FAS: variants seen among roughly 807,000 people sequenced by gnomAD.
The protein encoded by FAS is tumor necrosis factor receptor superfamily member 6.
A neutral mutation model predicts 33.2 loss-of-function variants in FAS; 5 were observed. The ratio of observed to expected loss-of-function variants is 0.15; its 90% CI spans 0.08 to 0.32. The LOEUF (loss-of-function observed/expected upper bound fraction) is 0.32, where lower values mean the gene tolerates loss of function less well. FAS is among the 10% of genes least tolerant of loss of function. FAS has a pLI of 1.00. For synonymous variants in FAS, 131 were observed against 130.7 expected (o/e 1.00, Z -0.01); for missense variants, 339 against 386.0 (o/e 0.88, Z 1.02).
intron 1 of FAS, among the ~76,000 whole-genome samples, chr10:88,996,375 G>A (rs1847593678): frequency 6.6e-6 from 1 of 151,810 alleles, no homozygotes; most frequent in African/African-American, 2.4e-5. Context: ...TCGTTTATAT[G>A]TGGAATCTAA....
At chr10:89,003,244 G>A (rs773303850) in intron 2 of FAS, 50 bp downstream of exon 2, 1 of 1,595,560 alleles carries the variant, frequency 6.3e-7, no homozygotes, top group Non-Finnish European at 8.6e-7. Flanking sequence ...ACAGTTAGGA[G>A]TAGCACATAG....
At chr10:89,005,685 T>G (rs1393262976) in intron 2 of FAS, among the ~76,000 whole-genome samples, 2 of 152,230 alleles carry the variant, frequency 1.3e-5, no homozygotes, top group Non-Finnish European at 2.9e-5. Context: ...TAGTCCAGGC[T>G]GAAGTGCAGT....
intron 2 of FAS, among the ~76,000 whole-genome samples, chr10:88,975,953 AAATT>A (rs1179244549): frequency 1.3e-5 from 2 of 152,208 alleles, no homozygotes; most frequent in African/African-American, 2.4e-5. Context: ...TTTGGCTGAC[AAATT>A]AATTGTCACC....
rs943784011 is a variant in FAS at position 89,015,422 on chromosome 10, C to T, written c.*972C>T. ...ATAAAATAGATTCTTATTTTTCCCC[C>T]ACCCCCGAAAATGTTCAATAATGTC... On this transcript the variant is annotated 3_prime_UTR_variant, in exon 9 of 9. Coordinates refer to ENST00000652046, the MANE Select transcript of FAS (RefSeq NM_000043.6). 1 of 530,442 alleles carries T rather than the reference C, an allele frequency of 1.9e-6. No individual in the cohort carries two copies. Among genetic ancestry groups the T allele is most frequent in the African/African-American group, 1.9e-5 (1 of 53,628 alleles). The allele number at this position is 530,442 out of a possible 1,614,324, so 32.9% of individuals were successfully genotyped here.
chr10:89,006,812 T>G (rs971293474), intron 2 of FAS, among the ~76,000 whole-genome samples: 1 of 152,212 alleles, frequency 6.6e-6, no homozygotes, highest in African/African-American at 2.4e-5. Flanking sequence ...AATAAACACC[T>G]ATCAGATAAA....
In FAS at chr10:88,965,807, T is replaced by C. The variant is rs11202913; in HGVS notation, n.95-7375T>C. ...GAGTGTCAATTTTATGATCCACTGC[T>C]GGTTTGGGCTGATTTGCTTTTAACT... On this transcript the variant is annotated intron_variant and non_coding_transcript_variant, in intron 1 of 3. Coordinates refer to the FAS transcript ENST00000688239. Among the ~76,000 whole-genome samples the C allele has an allele frequency of 8.1e-3, 1,227 of 152,300 alleles. 26 individuals carry two copies. The highest frequency in any genetic ancestry group is 0.028 in the African/African-American group (1,153 of 41,560).
chr10:89,009,089 T>G, intron 4 of FAS, 92 bp downstream of exon 4: 1 of 1,218,770 alleles, frequency 8.2e-7, no homozygotes, highest in African/African-American at 1.5e-5. Flanking sequence ...GAGTTAAGAA[T>G]TAGGGTTCTA....
At chr10:88,998,849 C>G (rs1468040623) in intron 1 of FAS, among the ~76,000 whole-genome samples, 7 of 152,078 alleles carry the variant, frequency 4.6e-5, no homozygotes, top group African/African-American at 1.4e-4. Context: ...CTGGTGTCAA[C>G]ACTCCCCTTT....
intron 2 of FAS, among the ~76,000 whole-genome samples, chr10:88,978,143 G>C (rs1206396981): frequency 2.1e-5 from 2 of 96,798 alleles, no homozygotes; most frequent in African/African-American, 7.8e-5. Context: ...GTAAACTATC[G>C]CAAGAACAAA....
chr10:88,988,434 TTTG>T (rs1564666910), upstream of FAS, among the ~76,000 whole-genome samples: 334 of 34,390 alleles, frequency 9.7e-3, 15 homozygotes, highest in East Asian at 0.029. Context: ...TTTTTTTTGT[TTTG>T]TTTTTTATCT....
At position 88,981,360 on chromosome 10, in the gene FAS, C is replaced by T. The variant is rs1173140668; in HGVS notation, n.260+8013C>T. 4.7e-5 allele frequency among the ~76,000 whole-genome samples: 7 copies of T among 149,274 alleles called. No individual in the cohort carries two copies. In the Admixed American group the frequency reaches 4.7e-4, roughly 10 times the overall value. On this transcript the variant is annotated intron_variant and non_coding_transcript_variant, in intron 2 of 3. Coordinates refer to the FAS transcript ENST00000688239. Reference sequence around the variant, plus strand: ...TTGATAAATATTAGCCACTTATTAACCATCGGGTTAAGAGAGAAATGACTT... The same window carrying T: ...TTGATAAATATTAGCCACTTATTAATCATCGGGTTAAGAGAGAAATGACTT...
Position 89,015,491 on chromosome 10 carries a change from G to C in FAS, c.*1041G>C. On this transcript the variant is annotated 3_prime_UTR_variant, in exon 9 of 9. Transcript: ENST00000652046. ...AAATGGCAGCTTATACATAGCAATG[G>C]TAAAATCATCATCTGGATTTAGGAA... The C allele has an allele frequency of 3.7e-6, 2 of 534,408 alleles. No individual in the cohort carries two copies. The highest frequency in any genetic ancestry group is 7.2e-6 in the Non-Finnish European group (2 of 276,656). 33.1% of individuals were successfully genotyped at this position (534,408 alleles called of 1,614,324 possible). A position where few individuals can be genotyped will look rare whatever the true frequency, so the allele number is the denominator to read the frequency against.
At chr10:88,998,824 T>G (rs1226858437) in intron 1 of FAS, among the ~76,000 whole-genome samples, 1 of 152,132 alleles carries the variant, frequency 6.6e-6, no homozygotes, top group Non-Finnish European at 1.5e-5. Context: ...TTTTAGAAGC[T>G]AACTGGATGC....
intron 1 of FAS, among the ~76,000 whole-genome samples, chr10:88,998,408 C>T (rs1211059958): frequency 2.0e-5 from 3 of 151,466 alleles, no homozygotes; most frequent in Admixed American, 2.0e-4. Context: ...AAAGTCTGGA[C>T]CCTTCCGGCC....
upstream of FAS, among the ~76,000 whole-genome samples, chr10:88,987,635 T>C (rs891801084): frequency 6.6e-6 from 1 of 152,212 alleles, no homozygotes; most frequent in Non-Finnish European, 1.5e-5. Flanking sequence ...CCAGTAAAGA[T>C]CCCAAAATCT....
At chr10:89,010,838 C>T (rs1454059755) in intron 6 of FAS, 23 bp downstream of exon 6, 2 of 1,613,522 alleles carry the variant, frequency 1.2e-6, no homozygotes, top group Non-Finnish European at 1.7e-6. Flanking sequence ...TTTGTTCAAA[C>T]TGCAGATTGA....
At chr10:89,010,467 A>G (rs1007723923) in intron 4 of FAS, 72 bp from the exon 5 acceptor site, 2 of 1,292,808 alleles carry the variant, frequency 1.5e-6, no homozygotes, top group African/African-American at 3.0e-5. Context: ...CCTAATTTAC[A>G]AAGTGCCATT....
intron 1 of FAS, among the ~76,000 whole-genome samples, chr10:88,999,139 C>A (rs1403133717): frequency 8.8e-5 from 13 of 146,970 alleles, no homozygotes; most frequent in Non-Finnish European, 1.9e-4. Flanking sequence ...GGCAACAGAG[C>A]GAGACTCCGT....
rs909818268 is a variant in FAS at position 89,016,927 on chromosome 10, A to G, written c.*2477A>G. On this transcript the variant is annotated 3_prime_UTR_variant, in exon 9 of 9. Coordinates refer to ENST00000652046, the MANE Select transcript of FAS (RefSeq NM_000043.6). Reference sequence around the variant, plus strand: ...TTCTGTACAACTATCTGAATAAGGTATATAATCAATGAAATTTAGAATTTT... The same window carrying G: ...TTCTGTACAACTATCTGAATAAGGTGTATAATCAATGAAATTTAGAATTTT... 5.3e-6 allele frequency: 1 copy of G among 189,704 alleles called. No individual in the cohort carries two copies. Among genetic ancestry groups the G allele is most frequent in the Non-Finnish European group, 1.1e-5 (1 of 90,258 alleles). The allele number at this position is 189,704 out of a possible 1,614,324, so 11.8% of individuals were successfully genotyped here.
Sources: allele counts gnomAD v4.1 joint callset (sites outside exome capture counted in the v4.1 genomes callset), GRCh38; gene constraint gnomAD v4.1.1; transcripts MANE v1.5; gene names NCBI Gene and HGNC (gene_info 2026-07-23, HGNC 2026-07-21).